Variants in KCNMA1 observed in about 807,000 individuals in gnomAD.
KCNMA1 encodes Calcium-activated potassium channel subunit alpha-1.
KCNMA1 carries 29 observed loss-of-function variants against 140.0 expected under a neutral mutation model. The ratio of observed to expected loss-of-function variants is 0.21; its 90% CI spans 0.15 to 0.28. The LOEUF is 0.28. Among genes scored for constraint, KCNMA1 ranks in the 10% least tolerant of loss-of-function variants. KCNMA1 has a pLI of 1.00. For missense variants in KCNMA1, 880 were observed against 1,602.2 expected (o/e 0.55, Z 7.70); for synonymous variants, 612 against 611.9 (o/e 1.00, Z 0.00).
intron 6 of KCNMA1, among the ~76,000 whole-genome samples, chr10:77,118,232 G>A (rs559037406): frequency 6.6e-6 from 1 of 152,326 alleles, no homozygotes; most frequent in African/African-American, 2.4e-5. Context: ...GAAAGCAGCA[G>A]AGTATGGAAG....
At chr10:77,461,161 G>A (rs2097859680) in intron 1 of KCNMA1, among the ~76,000 whole-genome samples, 1 of 151,016 alleles carries the variant, frequency 6.6e-6, no homozygotes, top group Non-Finnish European at 1.5e-5. Context: ...GGTGATGGGT[G>A]CACTAAAAGC....
At chr10:76,901,323 T>C (rs971227634) in intron 25 of KCNMA1, 12 of 152,220 alleles carry the variant, frequency 7.9e-5, no homozygotes, top group African/African-American at 2.9e-4. Flanking sequence ...TTCTTCTTTA[T>C]ATGTCTTCTT....
At chr10:76,989,458 T>C (rs1037231384) in intron 19 of KCNMA1, among the ~76,000 whole-genome samples, 2 of 152,142 alleles carry the variant, frequency 1.3e-5, no homozygotes, top group Non-Finnish European at 2.9e-5. Context: ...AAAGGACTTT[T>C]AGCCTTTCTC....
intron 3 of KCNMA1, among the ~76,000 whole-genome samples, chr10:77,244,191 C>T (rs74697289): frequency 0.021 from 3,146 of 152,342 alleles, 55 homozygotes; most frequent in Non-Finnish European, 0.032. Flanking sequence ...AGCTCTGCCC[C>T]TGGCTGGTCG....
chr10:77,189,536 G>T (rs866606162), intron 3 of KCNMA1, among the ~76,000 whole-genome samples: 4 of 152,242 alleles, frequency 2.6e-5, no homozygotes, highest in African/African-American at 9.6e-5. Flanking sequence ...AAGTACAGAT[G>T]GGGAGGGGTT....
rs561966506 is a variant in KCNMA1 at position 76,949,507 on chromosome 10, T to C, written c.2485-141A>G. On this transcript the variant is annotated intron_variant, in intron 21 of 27. Coordinates refer to ENST00000286628, the MANE Select transcript of KCNMA1 (RefSeq NM_001161352.2). ...TGTGCTATTATTTTTATTTCATCAA[T>C]GTTATATACATGCCATATAGAGCTA... 21 of 730,586 alleles carry C rather than the reference T, an allele frequency of 2.9e-5. 1 individual carries two copies. The East Asian group carries it at 5.6e-4, about 20-fold the overall frequency. The allele number at this position is 730,586 out of a possible 1,614,324, so 45.3% of individuals were successfully genotyped here. A position where few individuals can be genotyped will look rare whatever the true frequency, so the allele number is the denominator to read the frequency against.
rs1433288157 is a variant in KCNMA1, at chr10:77,415,016, A to T, written c.379-10993T>A. ...CTACTACTGAAACAACCATCTCACA[A>T]CCTATGGCTTCTAAGTAACAAAATC... On this transcript the variant is annotated intron_variant, in intron 1 of 27. Coordinates refer to ENST00000286628, the MANE Select transcript of KCNMA1 (RefSeq NM_001161352.2). Among the ~76,000 whole-genome samples the T allele has an allele frequency of 2.6e-5, 4 of 152,192 alleles. No individual in the cohort carries two copies. The South Asian group carries it at 8.3e-4, about 32-fold the overall frequency.
chr10:76,881,207 C>T (rs981939244), downstream of KCNMA1, among the ~76,000 whole-genome samples: 5 of 152,066 alleles, frequency 3.3e-5, no homozygotes, highest in African/African-American at 7.2e-5. Flanking sequence ...AAGGAGACAG[C>T]GCAGGGCAGG....
At chr10:77,139,339 T>C (rs1168594256) in intron 5 of KCNMA1, among the ~76,000 whole-genome samples, 2 of 152,206 alleles carry the variant, frequency 1.3e-5, no homozygotes, top group African/African-American at 4.8e-5. Flanking sequence ...TTCTCTGTGA[T>C]GAAGGGAGAG....
At chr10:76,892,996 AG>A (rs973969719) in intron 25 of KCNMA1, among the ~76,000 whole-genome samples, 1 of 152,226 alleles carries the variant, frequency 6.6e-6, no homozygotes, top group African/African-American at 2.4e-5. Flanking sequence ...ATTTATGCTC[AG>A]AGTTAAGATA....
intron 20 of KCNMA1, among the ~76,000 whole-genome samples, chr10:76,968,959 G>A (rs139008651): frequency 1.2e-4 from 19 of 152,180 alleles, no homozygotes; most frequent in Non-Finnish European, 1.9e-4. Context: ...AATCAAAGCC[G>A]GTGGCCATGA....
chr10:76,931,721 G>A (rs2059329852), intron 23 of KCNMA1, among the ~76,000 whole-genome samples: 1 of 152,088 alleles, frequency 6.6e-6, no homozygotes, highest in South Asian at 2.1e-4. Flanking sequence ...GCGTTGCATG[G>A]CGCCATGCTA....
intron 1 of KCNMA1, among the ~76,000 whole-genome samples, chr10:77,468,151 A>G (rs1016140432): frequency 2.0e-5 from 3 of 151,992 alleles, no homozygotes; most frequent in African/African-American, 7.3e-5. Flanking sequence ...GGGACTACAG[A>G]TGTGCACAAC....
intron 20 of KCNMA1, among the ~76,000 whole-genome samples, chr10:76,957,933 G>A (rs989086907): frequency 7.2e-5 from 11 of 152,216 alleles, no homozygotes; most frequent in Non-Finnish European, 8.8e-5. Context: ...CTTTACTATG[G>A]CTGTTGCTGT....
At chr10:77,513,319 C>T (rs1275509998) in intron 1 of KCNMA1, among the ~76,000 whole-genome samples, 1 of 152,204 alleles carries the variant, frequency 6.6e-6, no homozygotes, top group African/African-American at 2.4e-5. Context: ...CTCGGAGAGG[C>T]TTTTCCCATC....
At chr10:76,910,337 G>A in intron 24 of KCNMA1, 1 of 484,644 alleles carries the variant, frequency 2.1e-6, no homozygotes, top group Non-Finnish European at 3.8e-6. Flanking sequence ...TTGCTCCACG[G>A]CAGGCCACTG....
At chr10:76,943,440 CT>C (rs1265320777) in intron 23 of KCNMA1, among the ~76,000 whole-genome samples, 1 of 152,170 alleles carries the variant, frequency 6.6e-6, no homozygotes, top group East Asian at 1.9e-4. Flanking sequence ...TTCTCTTAAG[CT>C]TGACCAGAAG....
intron 1 of KCNMA1, among the ~76,000 whole-genome samples, chr10:77,588,676 G>A (rs1350543635): frequency 6.6e-6 from 1 of 152,172 alleles, no homozygotes. Context: ...ACAGATCAAC[G>A]AACTCAGCAA....
intron 2 of KCNMA1, among the ~76,000 whole-genome samples, chr10:77,378,305 C>G (rs2095252049): frequency 6.6e-6 from 1 of 152,216 alleles, no homozygotes; most frequent in Non-Finnish European, 1.5e-5. Context: ...CCCAATGCCC[C>G]ACTTCCGTCG....
Sources: gnomAD v4.1 joint callset for allele counts (sites outside exome capture counted in the v4.1 genomes callset) on GRCh38, gnomAD v4.1.1 for gene constraint, MANE v1.5 for transcripts, NCBI Gene and HGNC (gene_info 2026-07-23, HGNC 2026-07-21) for gene names.